Variants in SLC44A3 observed in about 807,000 individuals in gnomAD.
SLC44A3 encodes the protein choline transporter-like protein 3.
Under a neutral mutation model 75.4 loss-of-function variants are expected in SLC44A3, and 74 were observed. That is an observed-to-expected ratio of 0.98 (90% CI 0.81 to 1.19). SLC44A3 has a LOEUF of 1.19. Among genes scored for constraint, SLC44A3 ranks in the 50% most tolerant of loss-of-function variants. The pLI is 0.00. For missense variants in SLC44A3, 700 were observed against 778.6 expected (o/e 0.90, Z 1.20); for synonymous variants, 310 against 296.9 (o/e 1.04, Z -0.45).
chr1:94,858,633 C>T (rs1666194669), intron 10 of SLC44A3, among the ~76,000 whole-genome samples: 1 of 152,154 alleles, frequency 6.6e-6, no homozygotes, highest in Non-Finnish European at 1.5e-5. Context: ...TGATTCCTGC[C>T]ATTGAGCAGT....
chr1:94,848,184 A>G (rs3860357), intron 9 of SLC44A3, among the ~76,000 whole-genome samples: 3,720 of 151,016 alleles, frequency 0.025, 157 homozygotes, highest in East Asian at 0.16. Context: ...AGCTGAGACC[A>G]CACCACTGCA....
intron 6 of SLC44A3, 107 bp downstream of exon 6, chr1:94,837,978 CTCTGTATTTTT>C: frequency 9.5e-7 from 1 of 1,051,330 alleles, no homozygotes; most frequent in Non-Finnish European, 1.3e-6. Flanking sequence ...AAATATAAAA[CTCTGTATTTTT>C]AATAGATATT....
chr1:94,856,967 G>A (rs1328183639), intron 9 of SLC44A3, among the ~76,000 whole-genome samples: 1 of 152,100 alleles, frequency 6.6e-6, no homozygotes, highest in Non-Finnish European at 1.5e-5. Context: ...CTGACCTCAG[G>A]TGATCCGCCC....
At chr1:94,829,331 TC>T (rs1322088091) in intron 5 of SLC44A3, among the ~76,000 whole-genome samples, 1 of 151,918 alleles carries the variant, frequency 6.6e-6, no homozygotes, top group East Asian at 1.9e-4. Context: ...ATAATTAGAC[TC>T]TGTTAGTTTT....
At position 94,894,969 on chromosome 1, in the gene SLC44A3, C is replaced by A; in HGVS notation, c.*47C>A. On this transcript the variant is annotated 3_prime_UTR_variant, in exon 15 of 15. Transcript: ENST00000271227. ...CCTGGAAAACATTTCCTTCTAAGAG[C>A]CATTTACAGAATAGAAGATGAGACC... 1 of 1,461,742 alleles carries A rather than the reference C, an allele frequency of 6.8e-7. No homozygotes were observed. Among genetic ancestry groups the A allele is most frequent in the Non-Finnish European group, 9.4e-7 (1 of 1,064,536 alleles). 90.5% of individuals were successfully genotyped at this position (1,461,742 alleles called of 1,614,324 possible). A position where few individuals can be genotyped will look rare whatever the true frequency, so the allele number is the denominator to read the frequency against.
intron 5 of SLC44A3, among the ~76,000 whole-genome samples, chr1:94,830,432 T>G (rs1661970692): frequency 6.6e-6 from 1 of 152,146 alleles, no homozygotes. Flanking sequence ...AGGATGGTCT[T>G]GATCTCGTGA....
intron 12 of SLC44A3, among the ~76,000 whole-genome samples, chr1:94,885,224 C>CAAA (rs60440950): frequency 0.071 from 5,892 of 82,802 alleles, 537 homozygotes; most frequent in African/African-American, 0.17. Flanking sequence ...GACTCCCTCT[C>CAAA]AAAAAAAAAA....
In SLC44A3 at chr1:94,825,302, A is replaced by C. The variant is rs551796787; in HGVS notation, c.278+667A>C. ...TTTAAGATTTTAGCTCTTGCTTCAC[A>C]TGACAGAACAAAAAAATGATGTTTT... On this transcript the variant is annotated intron_variant, in intron 3 of 14. Coordinates refer to ENST00000271227, the MANE Select transcript of SLC44A3 (RefSeq NM_001114106.3). Among the ~76,000 whole-genome samples, 7 of 152,298 alleles carry C rather than the reference A, an allele frequency of 4.6e-5. No individual in the cohort carries two copies. The East Asian group carries it at 1.3e-3, about 29-fold the overall frequency.
intron 9 of SLC44A3, among the ~76,000 whole-genome samples, chr1:94,850,617 C>T (rs1665101350): frequency 1.3e-5 from 2 of 152,188 alleles, no homozygotes; most frequent in Admixed American, 1.3e-4. Context: ...ATCAAATGAC[C>T]TGGAACCCAG....
intron 5 of SLC44A3, chr1:94,836,770 G>A (rs1235326632): frequency 1.3e-5 from 2 of 152,152 alleles, no homozygotes; most frequent in African/African-American, 4.8e-5. Context: ...AATTAGCTGG[G>A]CGTGGTGGCA....
At chr1:94,820,882 G>C in intron 1 of SLC44A3, 67 bp from the exon 2 acceptor site, 1 of 1,428,270 alleles carries the variant, frequency 7.0e-7, no homozygotes, top group Non-Finnish European at 9.5e-7. Context: ...GAGTAGATTT[G>C]GGTTCGGTTT....
chr1:94,866,484 C>T (rs902000951), intron 11 of SLC44A3, among the ~76,000 whole-genome samples: 1 of 152,182 alleles, frequency 6.6e-6, no homozygotes, highest in Admixed American at 6.5e-5. Flanking sequence ...CCTCAGCAGC[C>T]TTACTGCCCC....
intron 10 of SLC44A3, among the ~76,000 whole-genome samples, chr1:94,858,563 C>T (rs1666187426): frequency 6.6e-6 from 1 of 152,168 alleles, no homozygotes; most frequent in African/African-American, 2.4e-5. Flanking sequence ...CCTCCTCCAG[C>T]CTCTCAGACC....
In SLC44A3 at chr1:94,857,512, G is replaced by GT. The variant is rs747918461; in HGVS notation, c.1238+20dup. 125 of 1,599,078 alleles carry GT rather than the reference G, an allele frequency of 7.8e-5. No homozygotes were observed. The highest frequency in any genetic ancestry group is 1.1e-4 in the East Asian group (5 of 44,426). On this transcript the variant is annotated intron_variant, in intron 10 of 14. Coordinates refer to ENST00000271227, the MANE Select transcript of SLC44A3 (RefSeq NM_001114106.3). ...TGTTATTTCAACAGGTAGGTCCAGTGTTTTTTTTCTATTGGTTTGTCTATG... is the reference window on the plus strand; with the variant it reads ...TGTTATTTCAACAGGTAGGTCCAGTGTTTTTTTTTCTATTGGTTTGTCTATG...
intron 12 of SLC44A3, among the ~76,000 whole-genome samples, chr1:94,890,893 T>A (rs1410506077): frequency 6.6e-6 from 1 of 152,190 alleles, no homozygotes; most frequent in Non-Finnish European, 1.5e-5. Flanking sequence ...TTCCACATGT[T>A]TGTAGTGGGA....
chr1:94,885,345 G>A lies in SLC44A3; in HGVS notation c.1483-5785G>A, dbSNP rs372161827. ...CGATGATCCGAGGGTGACTGGCCAC[G>A]AAGCACAAACATAAAGCATCATGGA... is the stretch of plus-strand genomic sequence containing the variant. On this transcript the variant is annotated intron_variant, in intron 12 of 14. Transcript: ENST00000271227. Among the ~76,000 whole-genome samples, 18 of 151,886 alleles carry A rather than the reference G, an allele frequency of 1.2e-4. 1 individual carries two copies. Among genetic ancestry groups the A allele is most frequent in the Admixed American group, 8.5e-4 (13 of 15,266 alleles).
chr1:94,841,278 T>C (rs1663607094), intron 7 of SLC44A3, among the ~76,000 whole-genome samples: 1 of 152,230 alleles, frequency 6.6e-6, no homozygotes, highest in Non-Finnish European at 1.5e-5. Flanking sequence ...CAAAATGTCA[T>C]CATGCAGTGG....
intron 12 of SLC44A3, among the ~76,000 whole-genome samples, chr1:94,878,152 T>A (rs1040012453): frequency 2.0e-5 from 3 of 151,824 alleles, no homozygotes; most frequent in Non-Finnish European, 4.4e-5. Context: ...GAGAATGGCG[T>A]GAACCCCAGG....
At chr1:94,847,769 C>G (rs1664608315) in intron 9 of SLC44A3, among the ~76,000 whole-genome samples, 1 of 152,176 alleles carries the variant, frequency 6.6e-6, no homozygotes, top group South Asian at 2.1e-4. Context: ...TTGTTATGTT[C>G]AAGTTACAGG....
Sources: allele counts gnomAD v4.1 joint callset (sites outside exome capture counted in the v4.1 genomes callset), GRCh38; gene constraint gnomAD v4.1.1; transcripts MANE v1.5; gene names NCBI Gene and HGNC (gene_info 2026-07-23, HGNC 2026-07-21).